The following PDZD2 variants were observed in gnomAD, a reference collection of about 807,000 sequenced individuals.
PDZD2 encodes PDZ domain containing 2.
Under a neutral mutation model 220.7 loss-of-function variants are expected in PDZD2, and 90 were observed. That is an observed-to-expected ratio of 0.41 (90% CI 0.34 to 0.49). The LOEUF (loss-of-function observed/expected upper bound fraction) is 0.49, where lower values mean the gene tolerates loss of function less well. Ranked by LOEUF, PDZD2 falls within the 20% of genes least tolerant of loss-of-function variation. PDZD2 has a pLI of 0.28. For synonymous variants in PDZD2, 1,375 were observed against 1,450.5 expected, an observed-to-expected ratio of 0.95 and a Z score of 1.18; for missense variants, 3,174 against 3,608.5, an observed-to-expected ratio of 0.88 and a Z score of 3.08.
intron 2 of PDZD2, among the ~76,000 whole-genome samples, chr5:31,922,872 A>T (rs1372975306): frequency 6.6e-6 from 1 of 151,916 alleles, no homozygotes; most frequent in Non-Finnish European, 1.5e-5. Flanking sequence ...TAGACATGGG[A>T]TTTTACCATG....
intron 2 of PDZD2, among the ~76,000 whole-genome samples, chr5:31,826,289 A>T (rs1421823701): frequency 6.6e-6 from 1 of 152,054 alleles, no homozygotes; most frequent in Non-Finnish European, 1.5e-5. Flanking sequence ...CGTGGTGGGG[A>T]GGGTAGGAGT....
chr5:31,963,876 A>T (rs928058262), intron 2 of PDZD2, among the ~76,000 whole-genome samples: 36 of 151,898 alleles, frequency 2.4e-4, no homozygotes, highest in African/African-American at 8.5e-4. Context: ...ATGCCCACAC[A>T]CACCCCCATC....
At chr5:31,989,661 TG>T (rs927682555) in intron 3 of PDZD2, among the ~76,000 whole-genome samples, 2 of 152,188 alleles carry the variant, frequency 1.3e-5, no homozygotes, top group African/African-American at 4.8e-5. Context: ...TGACCTCTAG[TG>T]ATCTGCCTGC....
chr5:31,888,343 G>A (rs915510007), intron 2 of PDZD2, among the ~76,000 whole-genome samples: 9 of 152,014 alleles, frequency 5.9e-5, no homozygotes, highest in South Asian at 2.1e-4. Flanking sequence ...CAGGCGTGCC[G>A]CCATGCTTGG....
chr5:31,995,927 T>C (rs966450133), intron 4 of PDZD2, among the ~76,000 whole-genome samples: 21 of 152,182 alleles, frequency 1.4e-4, no homozygotes, highest in Non-Finnish European at 1.5e-4. Context: ...GCAGAAGATA[T>C]TGCAAGATCT....
intron 1 of PDZD2, among the ~76,000 whole-genome samples, chr5:31,706,542 G>C (rs971275482): frequency 3.3e-5 from 5 of 152,020 alleles, no homozygotes; most frequent in African/African-American, 1.2e-4. Flanking sequence ...AGCCTGGGCA[G>C]AGTTATTTAA....
At chr5:31,840,431 TATATATA>T (rs1561499212) in intron 2 of PDZD2, 2,014 of 98,172 alleles carry the variant, frequency 0.021, 104 homozygotes, top group South Asian at 0.043. Context: ...TATATATATA[TATATATA>T]TATATATATA....
At chr5:31,772,412 C>T (rs113138401) in intron 1 of PDZD2, among the ~76,000 whole-genome samples, 2,926 of 152,298 alleles carry the variant, frequency 0.019, 107 homozygotes, top group African/African-American at 0.068. Context: ...GTAGGGGCTA[C>T]CTGCATCAGG....
chr5:31,677,681 A>C (rs1471116909), intron 1 of PDZD2, among the ~76,000 whole-genome samples: 1 of 152,226 alleles, frequency 6.6e-6, no homozygotes, highest in East Asian at 1.9e-4. Context: ...ATTTAGTGAT[A>C]AAAAGAAATG....
intron 1 of PDZD2, among the ~76,000 whole-genome samples, chr5:31,763,800 G>C (rs1385346987): frequency 1.3e-5 from 2 of 150,692 alleles, no homozygotes; most frequent in African/African-American, 4.9e-5. Context: ...ATGGCCAACT[G>C]CAAGCAGTCT....
chr5:31,972,392 A>G (rs1749383924), intron 2 of PDZD2, among the ~76,000 whole-genome samples: 1 of 151,832 alleles, frequency 6.6e-6, no homozygotes, highest in Non-Finnish European at 1.5e-5. Context: ...GGGATTACAG[A>G]TGTGAGCCAC....
intron 10 of PDZD2, among the ~76,000 whole-genome samples, chr5:32,057,435 T>C (rs1052728950): frequency 6.6e-6 from 1 of 152,236 alleles, no homozygotes; most frequent in Non-Finnish European, 1.5e-5. Flanking sequence ...CATAGTTATT[T>C]TAATTGAAGA....
chr5:31,942,876 C>G (rs1284735805), intron 2 of PDZD2, among the ~76,000 whole-genome samples: 1 of 152,188 alleles, frequency 6.6e-6, no homozygotes, highest in Non-Finnish European at 1.5e-5. Context: ...GCCTACAGAA[C>G]AGTCTAAGAT....
chr5:31,930,196 CTT>C (rs760145512), intron 2 of PDZD2, among the ~76,000 whole-genome samples: 4 of 102,532 alleles, frequency 3.9e-5, no homozygotes, highest in African/African-American at 1.6e-4. Context: ...CTCAGGTATT[CTT>C]TTTTTTTTTT....
At chr5:31,746,108 AT>A (rs1043392499) in intron 1 of PDZD2, among the ~76,000 whole-genome samples, 3 of 152,116 alleles carry the variant, frequency 2.0e-5, no homozygotes, top group African/African-American at 7.2e-5. Flanking sequence ...TGTTGGTTGG[AT>A]TCTGGGCATC....
At chr5:31,821,404 T>C (rs1755849125) in intron 2 of PDZD2, among the ~76,000 whole-genome samples, 1 of 149,292 alleles carries the variant, frequency 6.7e-6, no homozygotes, top group African/African-American at 2.5e-5. Context: ...TTTTTTGAGA[T>C]GGAGTCTCAC....
chr5:31,799,273 G>T lies in PDZD2; in HGVS notation c.25G>T (p.Val9Leu), dbSNP rs776205231. 1.2e-6 allele frequency: 2 copies of T among 1,609,148 alleles called. No homozygotes were observed. Among genetic ancestry groups the T allele is most frequent in the African/African-American group, 2.7e-5 (2 of 74,980 alleles). ...CATGCCCATCACCCAGGACAATGCC[G>T]TGCTGCACCTGCCCCTCCTCTACCA... MPITQDNA[V>L]LHLPLLYQWL... The change falls in exon 2 of 25, where the codon GTG becomes TTG. Residue 9 changes from valine (V) to leucine (L), a missense_variant. Val to Leu is a conservative substitution (Grantham distance 32). Coordinates refer to ENST00000438447, the MANE Select transcript of PDZD2 (RefSeq NM_178140.4).
rs1745157293 is a variant in PDZD2 at position 31,646,960 on chromosome 5, G to A, written c.-361+7523G>A. The stretch of plus-strand genomic sequence containing the variant: ...GGAGAGGAAGGTACTGGAAAGAATT[G>A]CATTAACTCCTCTCTGGACTTACTG... On this transcript the variant is annotated intron_variant, in intron 1 of 24. Transcript: ENST00000438447. The surrounding 1 kb of genome is among the most constrained non-coding windows in gnomAD (Gnocchi z 4.7). Among the ~76,000 whole-genome samples, 1 of 152,160 alleles carries A rather than the reference G, an allele frequency of 6.6e-6. No individual in the cohort carries two copies. The highest frequency in any genetic ancestry group is 1.5e-5 in the Non-Finnish European group (1 of 68,032).
chr5:32,087,741 C>T lies in PDZD2; in HGVS notation c.4293C>T (p.Ile1431=), dbSNP rs576060844. ...ESPVTDIDSF[I]KELDASAARS... ...CTGTGACGGACATTGACAGCTTCAT[C>T]AAGGAGCTGGATGCTTCTGCAGCAA... Residue 1431 remains isoleucine (I), a synonymous_variant, in exon 20 of 25, where the codon ATC becomes ATT. Coordinates refer to ENST00000438447, the MANE Select transcript of PDZD2 (RefSeq NM_178140.4). This position sits in a 1 kb window ranked among gnomAD's most constrained non-coding sequence, Gnocchi z 4.0. The T allele has an allele frequency of 1.9e-5, 30 of 1,614,044 alleles. No homozygotes were observed. In the African/African-American group the frequency reaches 2.9e-4, roughly 16 times the overall value.
Sources: gnomAD v4.1 joint callset for allele counts (sites outside exome capture counted in the v4.1 genomes callset) on GRCh38, gnomAD v4.1.1 for gene constraint, Gnocchi (gnomAD v3.1) non-coding constraint, MANE v1.5 for transcripts, NCBI Gene and HGNC (gene_info 2026-07-23, HGNC 2026-07-21) for gene names.